Variants in EIPR1 observed in about 807,000 individuals in gnomAD.
The protein encoded by EIPR1 is EARP and GARP complex-interacting protein 1.
A neutral mutation model predicts 48.1 loss-of-function variants in EIPR1; 25 were observed. That is an observed-to-expected ratio of 0.52 (90% CI 0.38 to 0.73). The LOEUF (loss-of-function observed/expected upper bound fraction) is 0.73, where lower values mean the gene tolerates loss of function less well. Among genes scored for constraint, EIPR1 ranks in the 30% least tolerant of loss-of-function variants. The pLI, the probability that EIPR1 is intolerant of heterozygous loss-of-function variation, is 0.00. For synonymous variants in EIPR1, 204 were observed against 201.9 expected, an observed-to-expected ratio of 1.01 and a Z score of -0.09; for missense variants, 415 against 506.2, an observed-to-expected ratio of 0.82 and a Z score of 1.73.
chr2:3,193,360 G>A (rs986173798), intron 7 of EIPR1, among the ~76,000 whole-genome samples: 3 of 152,188 alleles, frequency 2.0e-5, no homozygotes, highest in African/African-American at 7.2e-5. Context: ...GATTCCTGAT[G>A]AGATTTTGGC....
intron 4 of EIPR1, among the ~76,000 whole-genome samples, chr2:3,254,160 G>A (rs376510560): frequency 2.6e-5 from 4 of 152,128 alleles, no homozygotes; most frequent in South Asian, 2.1e-4. Context: ...TCACCAGACC[G>A]ACGTTCCCCC....
At chr2:3,257,256 C>T (rs1667186008) in intron 4 of EIPR1, 43 bp downstream of exon 4, 2 of 1,578,464 alleles carry the variant, frequency 1.3e-6, no homozygotes, top group Non-Finnish European at 1.7e-6. Context: ...ACCTGGCCAA[C>T]CTGCAGGCTC....
At chr2:3,190,616 G>A (rs1664573064) in intron 8 of EIPR1, among the ~76,000 whole-genome samples, 2 of 152,114 alleles carry the variant, frequency 1.3e-5, no homozygotes, top group South Asian at 4.2e-4. Flanking sequence ...AACGCCAGCA[G>A]TCTTCCGACC....
At chr2:3,371,800 A>G (rs571131812) in intron 1 of EIPR1, among the ~76,000 whole-genome samples, 317 of 152,288 alleles carry the variant, frequency 2.1e-3, no homozygotes, top group African/African-American at 7.3e-3. Flanking sequence ...TTAACACCCC[A>G]CTGTCAACAT....
In EIPR1 at chr2:3,229,973, C is replaced by CT. The variant is rs530703683; in HGVS notation, c.417-15726dup. Among the ~76,000 whole-genome samples, 10 of 152,204 alleles carry CT rather than the reference C, an allele frequency of 6.6e-5. No homozygotes were observed. In the East Asian group the frequency reaches 1.9e-3, roughly 29 times the overall value. On this transcript the variant is annotated intron_variant, in intron 4 of 8. Coordinates refer to ENST00000382125, the MANE Select transcript of EIPR1 (RefSeq NM_003310.5). ...GTTACTCACAGGGGTATCTGCTGAC[C>CT]TTTTTGACATTTTCAACACTATCTT...
chr2:3,215,834 T>C (rs986302102), intron 4 of EIPR1, among the ~76,000 whole-genome samples: 1 of 152,246 alleles, frequency 6.6e-6, no homozygotes, highest in Non-Finnish European at 1.5e-5. Flanking sequence ...ACAATCTCTT[T>C]CTCATTTATA....
chr2:3,313,907 G>A (rs1206699092), intron 3 of EIPR1, among the ~76,000 whole-genome samples: 6 of 152,116 alleles, frequency 3.9e-5, no homozygotes, highest in Admixed American at 6.5e-5. Context: ...CTCACCCCCC[G>A]GTCTTCATTA....
At chr2:3,294,971 A>C (rs1300532631) in intron 3 of EIPR1, among the ~76,000 whole-genome samples, 1 of 40,996 alleles carries the variant, frequency 2.4e-5, no homozygotes, top group Admixed American at 3.0e-4. Context: ...CCCTCCATCC[A>C]GCCCATCCTC....
intron 3 of EIPR1, among the ~76,000 whole-genome samples, chr2:3,337,217 C>T (rs574586414): frequency 6.6e-6 from 1 of 152,202 alleles, no homozygotes; most frequent in East Asian, 1.9e-4. Context: ...GTCCTGGTGA[C>T]CAGCTTGATA....
intron 4 of EIPR1, among the ~76,000 whole-genome samples, chr2:3,252,367 G>C (rs1319794244): frequency 1.3e-5 from 2 of 152,200 alleles, no homozygotes; most frequent in Non-Finnish European, 2.9e-5. Context: ...GAGGTGGGCG[G>C]ATCACCTGAG....
At chr2:3,317,310 G>A (rs994424062) in intron 3 of EIPR1, among the ~76,000 whole-genome samples, 8 of 149,254 alleles carry the variant, frequency 5.4e-5, no homozygotes, top group South Asian at 2.1e-4. Context: ...GGTGCTGACC[G>A]AGCTGAGGGC....
chr2:3,207,557 A>G (rs562532455), intron 5 of EIPR1, among the ~76,000 whole-genome samples: 1 of 152,376 alleles, frequency 6.6e-6, no homozygotes, highest in South Asian at 2.1e-4. Context: ...CTCCAGCAGC[A>G]TGTCACAGTT....
At chr2:3,256,362 G>A (rs1028396541) in intron 4 of EIPR1, among the ~76,000 whole-genome samples, 8 of 152,096 alleles carry the variant, frequency 5.3e-5, no homozygotes, top group Non-Finnish European at 1.0e-4. Context: ...GGTACGCCAC[G>A]GCTGGCCCAG....
intron 1 of EIPR1, among the ~76,000 whole-genome samples, chr2:3,363,866 T>C (rs1302404241): frequency 6.7e-6 from 1 of 148,592 alleles, no homozygotes; most frequent in African/African-American, 2.5e-5. Flanking sequence ...TGAATAGACA[T>C]TTCTCAAAAG....
chr2:3,194,280 G>A, intron 6 of EIPR1, 114 bp from the exon 7 acceptor site: 1 of 1,363,102 alleles, frequency 7.3e-7, no homozygotes, highest in Admixed American at 2.0e-5. Context: ...CCGGCCCAGG[G>A]TGCTCTCATC....
chr2:3,245,441 A>T (rs1406839029), intron 4 of EIPR1, among the ~76,000 whole-genome samples: 3 of 152,174 alleles, frequency 2.0e-5, no homozygotes, highest in African/African-American at 7.2e-5. Flanking sequence ...TCAAACTCCT[A>T]ACCTCAGGTG....
intron 4 of EIPR1, among the ~76,000 whole-genome samples, chr2:3,228,835 A>G (rs1666149576): frequency 6.6e-6 from 1 of 152,162 alleles, no homozygotes; most frequent in Non-Finnish European, 1.5e-5. Flanking sequence ...CTCTGTGAAG[A>G]AGGTGCCTGC....
chr2:3,319,485 G>C (rs1669424409), intron 3 of EIPR1: 1 of 162,498 alleles, frequency 6.2e-6, no homozygotes, highest in South Asian at 1.7e-4. Flanking sequence ...TATAAAATAA[G>C]GATGATGAAA....
chr2:3,204,571 A>T (rs1284319675), intron 5 of EIPR1, among the ~76,000 whole-genome samples: 2 of 152,224 alleles, frequency 1.3e-5, no homozygotes, highest in African/African-American at 4.8e-5. Flanking sequence ...GTCCAAAAGG[A>T]ATGATTAAAG....
Sources: allele counts gnomAD v4.1 joint callset (sites outside exome capture counted in the v4.1 genomes callset), GRCh38; gene constraint gnomAD v4.1.1; transcripts MANE v1.5; gene names NCBI Gene and HGNC (gene_info 2026-07-23, HGNC 2026-07-21).